Variants in RBFOX1 observed in about 807,000 individuals in gnomAD.
The protein encoded by RBFOX1 is RNA binding fox-1 homolog 1.
A neutral mutation model predicts 57.7 loss-of-function variants in RBFOX1; 8 were observed. The ratio of observed to expected loss-of-function variants is 0.14; its 90% CI spans 0.08 to 0.25. The LOEUF (loss-of-function observed/expected upper bound fraction) is 0.25. Among genes scored for constraint, RBFOX1 ranks in the 10% least tolerant of loss-of-function variants. The pLI, the probability that RBFOX1 is intolerant of heterozygous loss-of-function variation, is 1.00. For synonymous variants in RBFOX1, 326 were observed against 222.4 expected (o/e 1.47, Z -4.15); for missense variants, 611 against 548.5 (o/e 1.11, Z -1.14).
intron 2 of RBFOX1, among the ~76,000 whole-genome samples, chr16:6,406,796 C>G (rs1007233435): frequency 2.0e-5 from 3 of 152,112 alleles, no homozygotes; most frequent in Non-Finnish European, 2.9e-5. Context: ...GGGTCAGGAT[C>G]CATTCAGAGC....
At chr16:5,430,483 C>G (rs2067697247) in intron 1 of RBFOX1, among the ~76,000 whole-genome samples, 1 of 152,098 alleles carries the variant, frequency 6.6e-6, no homozygotes, top group East Asian at 1.9e-4. Flanking sequence ...GAGGCAGAGC[C>G]TGGGAGGCGT....
chr16:7,559,607 A>C (rs1391224576), intron 5 of RBFOX1, among the ~76,000 whole-genome samples: 1 of 152,170 alleles, frequency 6.6e-6, no homozygotes, highest in East Asian at 1.9e-4. Context: ...CAAGGCTTGC[A>C]CTCTGTCCTC....
In RBFOX1 at chr16:6,499,890, G is replaced by A. The variant is rs181764306; in HGVS notation, c.-63-154713G>A. Among the ~76,000 whole-genome samples the A allele has an allele frequency of 2.5e-4, 38 of 152,276 alleles. No individual in the cohort carries two copies. The East Asian group carries it at 6.9e-3, about 28-fold the overall frequency. On this transcript the variant is annotated intron_variant, in intron 2 of 15. Transcript: ENST00000550418. ...CCTGCTTAGATTACAAAGGAGTCGG[G>A]TAAAAGGATGTGGTAAGGGTGAGTA...
chr16:7,631,091 G>A (rs945056074), intron 11 of RBFOX1, among the ~76,000 whole-genome samples: 2 of 152,190 alleles, frequency 1.3e-5, no homozygotes, highest in African/African-American at 4.8e-5. Context: ...GTTGTCTCAC[G>A]ATGGAAAATA....
At chr16:6,872,037 G>C (rs542573618) in intron 3 of RBFOX1, among the ~76,000 whole-genome samples, 4 of 150,310 alleles carry the variant, frequency 2.7e-5, no homozygotes, top group South Asian at 4.3e-4. Context: ...ATTGTGTGTA[G>C]GTATCGTTTC....
intron 3 of RBFOX1, among the ~76,000 whole-genome samples, chr16:5,708,492 C>T (rs550875152): frequency 6.6e-6 from 1 of 152,176 alleles, no homozygotes; most frequent in Non-Finnish European, 1.5e-5. Flanking sequence ...CCACCTGCGT[C>T]CAGCTGGATC....
chr16:6,600,540 G>A (rs1178343725), intron 2 of RBFOX1, among the ~76,000 whole-genome samples: 2 of 152,162 alleles, frequency 1.3e-5, no homozygotes, highest in African/African-American at 2.4e-5. Flanking sequence ...AGAGACGAAC[G>A]CTGTGGTGAT....
At chr16:5,568,003 T>C (rs547974886) in intron 2 of RBFOX1, among the ~76,000 whole-genome samples, 33 of 152,198 alleles carry the variant, frequency 2.2e-4, no homozygotes, top group Non-Finnish European at 3.7e-4. Context: ...ATGAAAACTC[T>C]GAACTGATCT....
At chr16:6,079,127 G>T (rs2095957669) in intron 1 of RBFOX1, among the ~76,000 whole-genome samples, 1 of 149,530 alleles carries the variant, frequency 6.7e-6, no homozygotes, top group Non-Finnish European at 1.5e-5. Context: ...TGACCAACAT[G>T]GTGAAACCTC....
At chr16:6,724,540 A>T (rs1300043530) in intron 3 of RBFOX1, among the ~76,000 whole-genome samples, 1 of 152,046 alleles carries the variant, frequency 6.6e-6, no homozygotes, top group Non-Finnish European at 1.5e-5. Flanking sequence ...GCAGGCCCTC[A>T]CCAGACACCA....
chr16:5,709,348 G>T (rs534007090), intron 3 of RBFOX1, among the ~76,000 whole-genome samples: 14 of 152,272 alleles, frequency 9.2e-5, no homozygotes, highest in African/African-American at 3.4e-4. Context: ...TCTGTTCTTT[G>T]ATCAGTGAGC....
chr16:7,549,781 T>C (rs193001776), intron 5 of RBFOX1, among the ~76,000 whole-genome samples: 1 of 152,260 alleles, frequency 6.6e-6, no homozygotes, highest in East Asian at 1.9e-4. Context: ...CCACTCAGAT[T>C]GTACGTGGGT....
chr16:5,801,071 G>A (rs2055040439), intron 3 of RBFOX1, among the ~76,000 whole-genome samples: 1 of 152,120 alleles, frequency 6.6e-6, no homozygotes, highest in Non-Finnish European at 1.5e-5. Context: ...ACACAGTTGA[G>A]TTAAAAATAG....
At chr16:5,747,883 G>C (rs1186785185) in intron 3 of RBFOX1, among the ~76,000 whole-genome samples, 1 of 152,006 alleles carries the variant, frequency 6.6e-6, no homozygotes, top group Admixed American at 6.5e-5. Context: ...CTTCAGTTCT[G>C]CTCTGATCTT....
At position 6,795,387 on chromosome 16, in the gene RBFOX1, A is replaced by G. The variant is rs370218975; in HGVS notation, c.-16+140737A>G. The stretch of plus-strand genomic sequence containing the variant: ...GTCCACAACAAAATAAGAAGAAAAA[A>G]AATCAGCTCTGGGGAGTTTTGTCCT... On this transcript the variant is annotated intron_variant, in intron 3 of 15. Transcript: ENST00000550418. 3.9e-5 allele frequency among the ~76,000 whole-genome samples: 6 copies of G among 152,190 alleles called. 1 individual carries two copies. Among genetic ancestry groups the G allele is most frequent in the African/African-American group, 1.4e-4 (6 of 41,436 alleles).
chr16:6,430,207 G>C (rs955685006), intron 2 of RBFOX1, among the ~76,000 whole-genome samples: 1 of 152,176 alleles, frequency 6.6e-6, no homozygotes, highest in Non-Finnish European at 1.5e-5. Flanking sequence ...CATGAGAACA[G>C]ACTAATACAC....
chr16:6,870,337 G>A (rs940621349), intron 3 of RBFOX1, among the ~76,000 whole-genome samples: 4 of 152,106 alleles, frequency 2.6e-5, no homozygotes, highest in African/African-American at 7.2e-5. Context: ...CTAGGAAACA[G>A]AAATCTGATA....
intron 1 of RBFOX1, among the ~76,000 whole-genome samples, chr16:5,451,438 A>C (rs1422796136): frequency 3.3e-5 from 5 of 152,220 alleles, no homozygotes; most frequent in Admixed American, 3.3e-4. Context: ...ATTAGTCTGC[A>C]TTGAAAACTA....
intron 2 of RBFOX1, among the ~76,000 whole-genome samples, chr16:6,415,281 A>G (rs1415136216): frequency 6.7e-6 from 1 of 149,720 alleles, no homozygotes; most frequent in East Asian, 2.0e-4. Flanking sequence ...GTTCAGGTTG[A>G]GAAATCCTAC....
Sources: allele counts gnomAD v4.1 joint callset (sites outside exome capture counted in the v4.1 genomes callset), GRCh38; gene constraint gnomAD v4.1.1; transcripts MANE v1.5; gene names NCBI Gene and HGNC (gene_info 2026-07-23, HGNC 2026-07-21).